The following TMEM41B variants were observed in gnomAD, a reference collection of about 807,000 sequenced individuals.
The protein encoded by TMEM41B is transmembrane protein 41B.
Under a neutral mutation model 31.9 loss-of-function variants are expected in TMEM41B, and 18 were observed. The ratio of observed to expected loss-of-function variants is 0.56; its 90% CI spans 0.39 to 0.84. The LOEUF (loss-of-function observed/expected upper bound fraction) is 0.84, where lower values mean the gene tolerates loss of function less well. TMEM41B is among the 40% of genes least tolerant of loss of function. The pLI, the probability that TMEM41B is intolerant of heterozygous loss-of-function variation, is 0.00. For synonymous variants in TMEM41B, 144 were observed against 124.3 expected, an observed-to-expected ratio of 1.16 and a Z score of -1.05; for missense variants, 322 against 348.0, an observed-to-expected ratio of 0.93 and a Z score of 0.59.
At chr11:9,297,951 C>T (rs1314468424) in intron 2 of TMEM41B, among the ~76,000 whole-genome samples, 1 of 150,492 alleles carries the variant, frequency 6.6e-6, no homozygotes, top group African/African-American at 2.4e-5. Context: ...TGTACTCCTA[C>T]CTACTCGGGA....
chr11:9,287,861 G>T, intron 4 of TMEM41B, 55 bp from the exon 5 acceptor site: 1 of 1,248,148 alleles, frequency 8.0e-7, no homozygotes, highest in South Asian at 1.3e-5. Context: ...TACTCACATT[G>T]ATTTATTCAC....
intron 3 of TMEM41B, among the ~76,000 whole-genome samples, chr11:9,293,696 C>T (rs557567494): frequency 2.0e-5 from 3 of 152,132 alleles, no homozygotes; most frequent in African/African-American, 4.8e-5. Context: ...ATCCTCCTGC[C>T]TCAGCCTCCT....
intron 3 of TMEM41B, among the ~76,000 whole-genome samples, chr11:9,291,190 G>A (rs1852950368): frequency 1.3e-5 from 2 of 152,006 alleles, no homozygotes; most frequent in African/African-American, 4.8e-5. Context: ...GGGAGGCCAA[G>A]GCAGGTGGAT....
At chr11:9,286,344 C>A in intron 6 of TMEM41B, 111 bp downstream of exon 6, 1 of 1,135,606 alleles carries the variant, frequency 8.8e-7, no homozygotes. Flanking sequence ...CCCAAGAATT[C>A]TAGATGGTGC....
chr11:9,308,367 C>A (rs1206550211), intron 1 of TMEM41B, among the ~76,000 whole-genome samples: 1 of 152,096 alleles, frequency 6.6e-6, no homozygotes, highest in Non-Finnish European at 1.5e-5. Context: ...CATTTTAAAT[C>A]AATAAATCAT....
Position 9,314,535 on chromosome 11 carries a change from T to TA in TMEM41B, c.-95dup. The TA allele has an allele frequency of 6.9e-7, 1 of 1,442,408 alleles. No individual in the cohort carries two copies. Among genetic ancestry groups the TA allele is most frequent in the Non-Finnish European group, 9.1e-7 (1 of 1,095,468 alleles). The allele number at this position is 1,442,408 out of a possible 1,614,324, so 89.4% of individuals were successfully genotyped here. A position where few individuals can be genotyped will look rare whatever the true frequency, so the allele number is the denominator to read the frequency against. On this transcript the variant is annotated 5_prime_UTR_variant, in exon 1 of 7. Transcript: ENST00000528080. ...CCTTACTACGCCGAAGCGCCACGGCTAGAGCCACTTCCGGCGCGACCTCCT... is the reference window on the plus strand; with the variant it reads ...CCTTACTACGCCGAAGCGCCACGGCTAAGAGCCACTTCCGGCGCGACCTCCT...
chr11:9,287,846 C>T lies in TMEM41B; in HGVS notation c.463-40G>A, dbSNP rs540003025. 3.5e-5 allele frequency: 51 copies of T among 1,471,518 alleles called. 1 individual carries two copies. The South Asian group carries it at 4.5e-4, about 13-fold the overall frequency. 91.2% of individuals were successfully genotyped at this position (1,471,518 alleles called of 1,614,324 possible). On this transcript the variant is annotated intron_variant, in intron 4 of 6. Coordinates refer to ENST00000528080, the MANE Select transcript of TMEM41B (RefSeq NM_015012.4). The stretch of plus-strand genomic sequence containing the variant: ...AAGCCATAAGCGTTTTGTATTTTTC[C>T]GTCTTACTCACATTGATTTATTCAC...
At position 9,287,855 on chromosome 11, in the gene TMEM41B, C is replaced by T. The variant is rs374046259; in HGVS notation, c.463-49G>A. ...GCGTTTTGTATTTTTCCGTCTTACT[C>T]ACATTGATTTATTCACCTGAGTAAA... On this transcript the variant is annotated intron_variant, in intron 4 of 6. Transcript: ENST00000528080. The T allele has an allele frequency of 5.0e-6, 7 of 1,399,910 alleles. No homozygotes were observed. In the African/African-American group the frequency reaches 8.6e-5, roughly 17 times the overall value. The allele number at this position is 1,399,910 out of a possible 1,614,324, so 86.7% of individuals were successfully genotyped here. A position where few individuals can be genotyped will look rare whatever the true frequency, so the allele number is the denominator to read the frequency against.
At chr11:9,301,143 C>T (rs538060884) in intron 1 of TMEM41B, among the ~76,000 whole-genome samples, 32 of 152,160 alleles carry the variant, frequency 2.1e-4, no homozygotes, top group African/African-American at 7.7e-4. Flanking sequence ...CGCCTGTAAT[C>T]CCAGCACTTT....
At chr11:9,301,471 C>A (rs1206807035) in intron 1 of TMEM41B, among the ~76,000 whole-genome samples, 1 of 152,146 alleles carries the variant, frequency 6.6e-6, no homozygotes, top group Non-Finnish European at 1.5e-5. Flanking sequence ...TATGAAGTAT[C>A]CTAAAAGTAC....
chr11:9,306,071 T>C (rs1359732876), intron 1 of TMEM41B, among the ~76,000 whole-genome samples: 2 of 145,142 alleles, frequency 1.4e-5, no homozygotes, highest in East Asian at 4.0e-4. Context: ...CTCCACCTCC[T>C]GGGTTCAAGC....
At chr11:9,289,891 G>A (rs1590373819) in intron 3 of TMEM41B, among the ~76,000 whole-genome samples, 1 of 151,802 alleles carries the variant, frequency 6.6e-6, no homozygotes, top group African/African-American at 2.4e-5. Flanking sequence ...ACATTCTGTT[G>A]GCCACACAAT....
At chr11:9,289,618 C>A (rs543623979) in intron 3 of TMEM41B, among the ~76,000 whole-genome samples, 43 of 152,304 alleles carry the variant, frequency 2.8e-4, no homozygotes, top group African/African-American at 9.9e-4. Flanking sequence ...GTATCCTATC[C>A]AGCTACCGCT....
At chr11:9,291,253 G>A (rs995356677) in intron 3 of TMEM41B, among the ~76,000 whole-genome samples, 1 of 151,988 alleles carries the variant, frequency 6.6e-6, no homozygotes, top group Non-Finnish European at 1.5e-5. Flanking sequence ...GCAGTGGCAG[G>A]TGCCTGTAAT....
intron 6 of TMEM41B, among the ~76,000 whole-genome samples, chr11:9,284,113 A>G (rs1182299294): frequency 6.6e-6 from 1 of 150,720 alleles, no homozygotes; most frequent in Non-Finnish European, 1.5e-5. Context: ...ACGCAAGAAA[A>G]GGGCCCAGAA....
At chr11:9,310,038 A>ATT (rs202042952) in intron 1 of TMEM41B, among the ~76,000 whole-genome samples, 1 of 149,326 alleles carries the variant, frequency 6.7e-6, no homozygotes, top group African/African-American at 2.5e-5. Context: ...TATTATTATT[A>ATT]TTATTATTTT....
In TMEM41B at chr11:9,283,321, T is replaced by C. The variant is rs931700160; in HGVS notation, c.*103A>G. The stretch of plus-strand genomic sequence containing the variant: ...CTGATAGGAAATTTTATTTTACAAA[T>C]TCCTTGTTTAATTACTGAAGAGGTG... On this transcript the variant is annotated 3_prime_UTR_variant, in exon 7 of 7. Transcript: ENST00000528080. 1 of 889,278 alleles carries C rather than the reference T, an allele frequency of 1.1e-6. No homozygotes were observed. The highest frequency in any genetic ancestry group is 2.0e-5 in the South Asian group (1 of 51,250). The allele number at this position is 889,278 out of a possible 1,614,324, so 55.1% of individuals were successfully genotyped here. A position where few individuals can be genotyped will look rare whatever the true frequency, so the allele number is the denominator to read the frequency against.
rs746744551 is a variant in TMEM41B at position 9,305,979 on chromosome 11, C to CTTTTTTTT, written c.122-6286_122-6279dup. Among the ~76,000 whole-genome samples the CTTTTTTTT allele has an allele frequency of 4.2e-5, 5 of 117,996 alleles. 1 individual carries two copies. Among genetic ancestry groups the CTTTTTTTT allele is most frequent in the African/African-American group, 6.4e-5 (2 of 31,484 alleles). 77.4% of individuals were successfully genotyped at this position (117,996 alleles called of 152,430 possible). A position where few individuals can be genotyped will look rare whatever the true frequency, so the allele number is the denominator to read the frequency against. On this transcript the variant is annotated intron_variant, in intron 1 of 6. Coordinates refer to ENST00000528080, the MANE Select transcript of TMEM41B (RefSeq NM_015012.4). Reference sequence around the variant, plus strand: ...TACAGCTACTTACACCAGCACTTTTCTTTTTTTTTTTTTTTTTGAGACAGA... The same window carrying CTTTTTTTT: ...TACAGCTACTTACACCAGCACTTTTCTTTTTTTTTTTTTTTTTTTTTTTTTGAGACAGA...
chr11:9,289,903 C>T lies in TMEM41B; in HGVS notation c.369-1368G>A, dbSNP rs145095205. Among the ~76,000 whole-genome samples the T allele has an allele frequency of 1.9e-3, 284 of 152,236 alleles. 1 individual carries two copies. The highest frequency in any genetic ancestry group is 5.9e-3 in the African/African-American group (245 of 41,556). ...CTAACATTCTGTTGGCCACACAATCCCTTTTCTTTGATAAATTTGGCAATT... is the reference window on the plus strand; with the variant it reads ...CTAACATTCTGTTGGCCACACAATCTCTTTTCTTTGATAAATTTGGCAATT... On this transcript the variant is annotated intron_variant, in intron 3 of 6. Transcript: ENST00000528080.
Sources: allele counts gnomAD v4.1 joint callset (sites outside exome capture counted in the v4.1 genomes callset), GRCh38; gene constraint gnomAD v4.1.1; transcripts MANE v1.5; gene names NCBI Gene and HGNC (gene_info 2026-07-23, HGNC 2026-07-21).